The following LMO7 variants were observed in gnomAD, a reference collection of about 807,000 sequenced individuals.
LMO7 encodes LIM domain 7.
LMO7 carries 120 observed loss-of-function variants against 206.5 expected under a neutral mutation model. The observed-to-expected ratio is 0.58, with a 90% CI of 0.50 to 0.68. The LOEUF (loss-of-function observed/expected upper bound fraction) is 0.68. LMO7 is among the 30% of genes least tolerant of loss of function. The probability of loss-of-function intolerance (pLI) is 0.00; values close to 1 mark genes in which losing one functional copy is unlikely to be tolerated. For missense variants in LMO7, 1,959 were observed against 1,957.9 expected (o/e 1.00, Z -0.01); for synonymous variants, 706 against 681.5 (o/e 1.04, Z -0.56).
rs532799197 is a variant in LMO7, at chr13:75,733,675, A to C, written c.210+6577A>C. On this transcript the variant is annotated intron_variant, in intron 3 of 30. Transcript: ENST00000377534. ...TCTGGCACTCCCTAGTGAGATGAAC[A>C]CGGTACTGCAGATGGAAATGCAGAC... 1.9e-3 allele frequency among the ~76,000 whole-genome samples: 291 copies of C among 152,230 alleles called. 3 individuals are homozygous for C. The highest frequency in any genetic ancestry group is 3.4e-3 in the Middle Eastern group (1 of 294).
intron 2 of LMO7, among the ~76,000 whole-genome samples, chr13:75,722,692 A>G (rs545838370): frequency 9.2e-5 from 14 of 152,342 alleles, no homozygotes; most frequent in African/African-American, 3.4e-4. Flanking sequence ...ATAAGTCATT[A>G]TATGAAAAAG....
At chr13:75,729,710 T>G (rs2138705834) in intron 3 of LMO7, among the ~76,000 whole-genome samples, 1 of 151,804 alleles carries the variant, frequency 6.6e-6, no homozygotes, top group Non-Finnish European at 1.5e-5. Context: ...TCTGCCAGTT[T>G]TCAAAGGGAA....
intron 4 of LMO7, among the ~76,000 whole-genome samples, chr13:75,771,181 AC>A (rs1277871212): frequency 6.6e-6 from 1 of 152,120 alleles, no homozygotes; most frequent in Non-Finnish European, 1.5e-5. Flanking sequence ...TGGATGTATT[AC>A]AATGTGCCAT....
chr13:75,684,789 GTA>G (rs547134823), intron 1 of LMO7, among the ~76,000 whole-genome samples: 2 of 151,326 alleles, frequency 1.3e-5, no homozygotes, highest in African/African-American at 4.9e-5. Flanking sequence ...ATACGTATGT[GTA>G]TATATGTGTG....
chr13:75,821,089 A>C, intron 13 of LMO7, 88 bp from the exon 14 acceptor site: 1 of 925,470 alleles, frequency 1.1e-6, no homozygotes, highest in South Asian at 1.7e-5. Context: ...TTTTATTCCC[A>C]GTCCGTTTCA....
At chr13:75,728,195 C>T (rs2044685710) in intron 3 of LMO7, among the ~76,000 whole-genome samples, 2 of 152,178 alleles carry the variant, frequency 1.3e-5, no homozygotes, top group East Asian at 1.9e-4. Context: ...TGAGGAATCG[C>T]CACACTGACT....
At chr13:75,834,562 T>G (rs1400419273) in intron 17 of LMO7, among the ~76,000 whole-genome samples, 175 bp downstream of exon 17, 1 of 152,188 alleles carries the variant, frequency 6.6e-6, no homozygotes, top group Admixed American at 6.6e-5. Context: ...ATACTCTGTC[T>G]GGATTTTTCA....
chr13:75,788,147 C>G (rs896824460), intron 4 of LMO7, among the ~76,000 whole-genome samples: 2 of 152,098 alleles, frequency 1.3e-5, no homozygotes, highest in Admixed American at 6.6e-5. Context: ...TCTCATTATT[C>G]TCTTAAAATT....
chr13:75,622,380 G>A (rs2033426556), intron 1 of LMO7: 1 of 152,226 alleles, frequency 6.6e-6, no homozygotes. Flanking sequence ...ATACAAGGTG[G>A]TAAGTGCATG....
chr13:75,857,814 T>A, intron 30 of LMO7, 107 bp from the exon 31 acceptor site: 1 of 642,624 alleles, frequency 1.6e-6, no homozygotes, highest in Non-Finnish European at 2.7e-6. Flanking sequence ...TTACTCTTTC[T>A]ACCTCATTGG....
Position 75,764,336 on chromosome 13 carries a change from A to G in LMO7, c.317+3298A>G, listed in dbSNP as rs138199612. ...TTTACTAAACATCCATACTGAGCAC[A>G]TACTCTCCACAAAGAAAACGTGGTG... On this transcript the variant is annotated intron_variant, in intron 4 of 30. Coordinates refer to ENST00000377534, the MANE Select transcript of LMO7 (RefSeq NM_001306080.2). Among the ~76,000 whole-genome samples the G allele has an allele frequency of 7.2e-5, 11 of 152,268 alleles. No homozygotes were observed. The South Asian group carries it at 1.0e-3, about 14-fold the overall frequency.
intron 15 of LMO7, among the ~76,000 whole-genome samples, chr13:75,832,113 T>C (rs2058719872): frequency 6.6e-6 from 1 of 152,158 alleles, no homozygotes; most frequent in Non-Finnish European, 1.5e-5. Context: ...GAAACAGAGC[T>C]GAAACACTGG....
chr13:75,686,491 C>G (rs1185458035), intron 1 of LMO7, among the ~76,000 whole-genome samples: 1 of 149,390 alleles, frequency 6.7e-6, no homozygotes, highest in Non-Finnish European at 1.5e-5. Flanking sequence ...CACACCATAT[C>G]AAGGGGTAAG....
chr13:75,820,907 G>A (rs1454897356), intron 13 of LMO7, among the ~76,000 whole-genome samples: 1 of 151,736 alleles, frequency 6.6e-6, no homozygotes, highest in Non-Finnish European at 1.5e-5. Flanking sequence ...TGAGTCAGGA[G>A]AATTGCTTGA....
chr13:75,703,682 C>G (rs1471600330), intron 1 of LMO7, among the ~76,000 whole-genome samples: 1 of 151,924 alleles, frequency 6.6e-6, no homozygotes, highest in Non-Finnish European at 1.5e-5. Flanking sequence ...GAGTCTGGTA[C>G]TTCCATCTCA....
intron 27 of LMO7, among the ~76,000 whole-genome samples, chr13:75,851,612 G>A (rs2139619625): frequency 6.6e-6 from 1 of 152,196 alleles, no homozygotes; most frequent in Admixed American, 6.5e-5. Context: ...AGTTTTGAAA[G>A]CAATAAAAAT....
At chr13:75,685,862 A>G (rs149373949) in intron 1 of LMO7, among the ~76,000 whole-genome samples, 27 of 150,820 alleles carry the variant, frequency 1.8e-4, no homozygotes, top group African/African-American at 5.8e-4. Flanking sequence ...AATCAAACCA[A>G]GGGTTTTTCA....
intron 2 of LMO7, among the ~76,000 whole-genome samples, chr13:75,723,024 T>C (rs1210673562): frequency 1.3e-5 from 2 of 151,726 alleles, no homozygotes; most frequent in Admixed American, 1.3e-4. Flanking sequence ...GGGGAAAGAG[T>C]GGGGAGTGTT....
At chr13:75,755,049 C>T (rs2047569933) in intron 3 of LMO7, among the ~76,000 whole-genome samples, 1 of 152,170 alleles carries the variant, frequency 6.6e-6, no homozygotes, top group Non-Finnish European at 1.5e-5. Context: ...CCTTTTCCCT[C>T]AAGGGATGAG....
Sources: allele counts gnomAD v4.1 joint callset (sites outside exome capture counted in the v4.1 genomes callset), GRCh38; gene constraint gnomAD v4.1.1; transcripts MANE v1.5; gene names NCBI Gene and HGNC (gene_info 2026-07-23, HGNC 2026-07-21).